The following HEMK2 variants were observed in gnomAD, a reference collection of about 807,000 sequenced individuals.
HEMK2 encodes HemK methyltransferase 2, ETF1 glutamine and histone H4 lysine.
the HEMK2 span, among the ~76,000 whole-genome samples, chr21:28,752,165 T>C: frequency 6.6e-6 from 1 of 152,222 alleles, no homozygotes; most frequent in Non-Finnish European, 1.5e-5. Context: ...TCTCAATTCC[T>C]GTTTGCCAGT....
chr21:28,668,160 T>G, the HEMK2 span, among the ~76,000 whole-genome samples: 2 of 152,132 alleles, frequency 1.3e-5, no homozygotes, highest in Non-Finnish European at 2.9e-5. Flanking sequence ...TAACCTTAAA[T>G]AAGGCACTAA....
chr21:28,783,617 C>T, the HEMK2 span, among the ~76,000 whole-genome samples: 1 of 152,258 alleles, frequency 6.6e-6, no homozygotes, highest in East Asian at 1.9e-4. Flanking sequence ...CCCTCGCTCG[C>T]TCTTGGCACC....
chr21:28,667,889 C>T, the HEMK2 span, among the ~76,000 whole-genome samples: 1 of 152,082 alleles, frequency 6.6e-6, no homozygotes, highest in South Asian at 2.1e-4. Context: ...TGAATTAATA[C>T]ATGGAAAGTG....
chr21:28,739,788 A>G, the HEMK2 span, among the ~76,000 whole-genome samples: 41,555 of 152,154 alleles, frequency 0.27, 6,082 homozygotes, highest in East Asian at 0.53. Flanking sequence ...AAAGCAACAC[A>G]TGGCCAGTGT....
chr21:28,743,307 C>G, the HEMK2 span: 34,775 of 151,958 alleles, frequency 0.23, 4,617 homozygotes, highest in African/African-American at 0.35. Flanking sequence ...AAGAGAGAGA[C>G]AGAATCTAAG....
chr21:28,735,049 T>C, the HEMK2 span, among the ~76,000 whole-genome samples: 5 of 152,154 alleles, frequency 3.3e-5, no homozygotes, highest in African/African-American at 9.7e-5. Context: ...CACTGCTTCA[T>C]TGATCTCTCA....
At chr21:28,721,123 G>C in the HEMK2 span, among the ~76,000 whole-genome samples, 1 of 152,010 alleles carries the variant, frequency 6.6e-6, no homozygotes, top group South Asian at 2.1e-4. Context: ...AACTGCTTGT[G>C]AATATTTTTT....
chr21:28,752,525 T>C, the HEMK2 span, among the ~76,000 whole-genome samples: 1 of 152,228 alleles, frequency 6.6e-6, no homozygotes, highest in Admixed American at 6.5e-5. Context: ...TGCAATATAG[T>C]ATATGTTTTC....
chr21:28,604,020 C>T, the HEMK2 span, among the ~76,000 whole-genome samples: 1 of 152,214 alleles, frequency 6.6e-6, no homozygotes, highest in African/African-American at 2.4e-5. Flanking sequence ...GAGGTGAACA[C>T]AGTCCTTAGA....
At chr21:28,797,329 C>T in the HEMK2 span, among the ~76,000 whole-genome samples, 1 of 152,086 alleles carries the variant, frequency 6.6e-6, no homozygotes, top group Admixed American at 6.5e-5. Flanking sequence ...GAACCAGTGG[C>T]CCATGCCTGT....
chr21:28,714,619 C>A, the HEMK2 span, among the ~76,000 whole-genome samples: 9 of 152,178 alleles, frequency 5.9e-5, no homozygotes, highest in Non-Finnish European at 1.2e-4. Flanking sequence ...GACTAATACA[C>A]AGAAGGCCAA....
At chr21:28,841,244 A>ATATAATATATTATAT in the HEMK2 span, among the ~76,000 whole-genome samples, 2 of 6,504 alleles carry the variant, frequency 3.1e-4, no homozygotes, top group African/African-American at 2.2e-3. Context: ...ATATTTATAT[A>ATATAATATATTATAT]TATAATATAT....
At chr21:28,704,160 A>G in the HEMK2 span, among the ~76,000 whole-genome samples, 22 of 152,204 alleles carry the variant, frequency 1.4e-4, no homozygotes, top group Admixed American at 1.4e-3. Context: ...TAGCTAAGTT[A>G]GCTGCATCTT....
the HEMK2 span, among the ~76,000 whole-genome samples, chr21:28,748,497 A>G: frequency 6.6e-6 from 1 of 152,168 alleles, no homozygotes; most frequent in East Asian, 1.9e-4. Context: ...ACAAGTTTCC[A>G]TCAAGTATTG....
At chr21:28,758,411 A>T in the HEMK2 span, among the ~76,000 whole-genome samples, 1 of 152,224 alleles carries the variant, frequency 6.6e-6, no homozygotes, top group Non-Finnish European at 1.5e-5. Context: ...GAGTAAAAGT[A>T]GAAAGGAATC....
the HEMK2 span, among the ~76,000 whole-genome samples, chr21:28,640,291 C>T: frequency 5.3e-5 from 8 of 152,114 alleles, no homozygotes; most frequent in African/African-American, 1.9e-4. Flanking sequence ...GAGATGGAGA[C>T]ACAATGGAGA....
At chr21:28,859,195 G>A in the HEMK2 span, among the ~76,000 whole-genome samples, 36 of 152,166 alleles carry the variant, frequency 2.4e-4, no homozygotes, top group African/African-American at 7.7e-4. Context: ...AGTAAAGCCC[G>A]CAACTTGGAA....
chr21:28,678,336 T>C, the HEMK2 span, among the ~76,000 whole-genome samples: 27 of 151,670 alleles, frequency 1.8e-4, no homozygotes, highest in African/African-American at 6.5e-4. Context: ...AGAAGAGAAG[T>C]TTAGAGAAAA....
chr21:28,763,363 A>G, the HEMK2 span, among the ~76,000 whole-genome samples: 1 of 152,154 alleles, frequency 6.6e-6, no homozygotes, highest in Non-Finnish European at 1.5e-5. Context: ...AGGAACAAGC[A>G]TGTCATATGG....
Sources: allele counts gnomAD v4.1 joint callset (sites outside exome capture counted in the v4.1 genomes callset), GRCh38; gene constraint gnomAD v4.1.1; transcripts MANE v1.5; gene names NCBI Gene and HGNC (gene_info 2026-07-23, HGNC 2026-07-21).